Variants in GEN1 observed in about 807,000 individuals in gnomAD.
GEN1 encodes the protein GEN1 structure-specific endonuclease, also known as flap endonuclease GEN homolog 1.
GEN1 carries 64 observed loss-of-function variants against 67.6 expected under a neutral mutation model. That is an observed-to-expected ratio of 0.95 (90% CI 0.77 to 1.17). The LOEUF is 1.17. GEN1 is among the 50% of genes most tolerant of loss of function. The pLI is 0.00. For missense variants in GEN1, 1,058 were observed against 1,048.3 expected (o/e 1.01, Z -0.13); for synonymous variants, 371 against 359.4 (o/e 1.03, Z -0.37).
At position 17,771,351 on chromosome 2, in the gene GEN1, G is replaced by C. The variant is rs958403744; in HGVS notation, c.802+64G>C. 7.2e-6 allele frequency: 7 copies of C among 968,680 alleles called. No homozygotes were observed. In the African/African-American group the frequency reaches 1.1e-4, roughly 16 times the overall value. The allele number at this position is 968,680 out of a possible 1,614,324, so 60.0% of individuals were successfully genotyped here. A position where few individuals can be genotyped will look rare whatever the true frequency, so the allele number is the denominator to read the frequency against. On this transcript the variant is annotated intron_variant, in intron 7 of 13. Coordinates refer to ENST00000381254, the MANE Select transcript of GEN1 (RefSeq NM_001130009.3). ...CCATGTTTTAATTCTTGTTCACATA[G>C]TACTTTTTACATGCCAATATTAATA...
At position 17,782,526 on chromosome 2, in the gene GEN1, C is replaced by T. The variant is rs1383133697; in HGVS notation, c.*587C>T. 2 of 152,246 alleles carry T rather than the reference C, an allele frequency of 1.3e-5. No homozygotes were observed. Among genetic ancestry groups the T allele is most frequent in the East Asian group, 1.9e-4 (1 of 5,182 alleles). The allele number at this position is 152,246 out of a possible 1,614,324, so 9.4% of individuals were successfully genotyped here. On this transcript the variant is annotated 3_prime_UTR_variant, in exon 14 of 14. Coordinates refer to ENST00000381254, the MANE Select transcript of GEN1 (RefSeq NM_001130009.3). ...GCTCTTCCACTTTTGGTGTCTTAGT[C>T]TCTTTTGAGGGGCAAAAATAGAAAA...
chr2:17,771,416 A>T, intron 7 of GEN1, 129 bp downstream of exon 7: 1 of 631,818 alleles, frequency 1.6e-6, no homozygotes, highest in Non-Finnish European at 2.8e-6. Context: ...CCACTAGATT[A>T]GGAATTCCTT....
At chr2:17,756,170 A>G (rs1164786981) in intron 1 of GEN1, among the ~76,000 whole-genome samples, 1 of 152,226 alleles carries the variant, frequency 6.6e-6, no homozygotes, top group East Asian at 1.9e-4. Context: ...TCCCAAGGTC[A>G]TACACCTAAT....
intron 5 of GEN1, among the ~76,000 whole-genome samples, chr2:17,768,524 C>T (rs1672034200): frequency 6.6e-6 from 1 of 152,178 alleles, no homozygotes; most frequent in Non-Finnish European, 1.5e-5. Flanking sequence ...ACATAGATAA[C>T]AGTGTAATTG....
intron 3 of GEN1, among the ~76,000 whole-genome samples, chr2:17,764,251 T>A (rs1671819611): frequency 6.6e-6 from 1 of 152,076 alleles, no homozygotes. Context: ...GAAGGCAAGA[T>A]GAGAAAAAAA....
chr2:17,770,980 C>T (rs1485315198), intron 6 of GEN1: 1 of 601,280 alleles, frequency 1.7e-6, no homozygotes, highest in Non-Finnish European at 3.1e-6. Flanking sequence ...CATATACTCT[C>T]TCTCCTGTCT....
chr2:17,781,360 A>C lies in GEN1; in HGVS notation c.2148A>C (p.Thr716=), dbSNP rs1672824452. 1 of 1,613,852 alleles carries C rather than the reference A, an allele frequency of 6.2e-7. No homozygotes were observed. Among genetic ancestry groups the C allele is most frequent in the Non-Finnish European group, 8.5e-7 (1 of 1,179,918 alleles). Residue 716 remains threonine, a synonymous_variant, in exon 14 of 14, where the codon ACA becomes ACC. Coordinates refer to ENST00000381254, the MANE Select transcript of GEN1 (RefSeq NM_001130009.3). The stretch of plus-strand genomic sequence containing the variant: ...TTGCTAACAGTGGTTCTGATTGTAC[A>C]TCACATCTTTCAAAGGATCTTCCAG... ...SCIANSGSDC[T]SHLSKDLPGI... is the part of the protein sequence containing the mutation.
intron 3 of GEN1, among the ~76,000 whole-genome samples, chr2:17,762,263 G>A (rs1484062030): frequency 6.8e-6 from 1 of 146,406 alleles, no homozygotes; most frequent in Admixed American, 6.8e-5. Flanking sequence ...GTGCAGTGGC[G>A]CAATCTCGGC....
rs541037932 is a variant in GEN1 at position 17,785,888 on chromosome 2, C to T, written c.*3949C>T. On this transcript the variant is annotated 3_prime_UTR_variant, in exon 14 of 14. Coordinates refer to ENST00000381254, the MANE Select transcript of GEN1 (RefSeq NM_001130009.3). ...CACTCCAGGATGGGCGAAAAAGTGT[C>T]TAAAAAAAATTAAAATTTAAATTAA... 4 of 152,004 alleles carry T rather than the reference C, an allele frequency of 2.6e-5. No individual in the cohort carries two copies. The South Asian group carries it at 8.3e-4, about 32-fold the overall frequency. The allele number at this position is 152,004 out of a possible 1,614,324, so 9.4% of individuals were successfully genotyped here.
chr2:17,754,078 C>A (rs1671265252), upstream of GEN1: 1 of 152,308 alleles, frequency 6.6e-6, no homozygotes, highest in African/African-American at 2.4e-5. Flanking sequence ...GCCGAGCGGG[C>A]CCCATTGGGG....
In GEN1 at chr2:17,765,116, ACCTT is replaced by A. The variant is rs764301212; in HGVS notation, c.525+44_525+47del. On this transcript the variant is annotated intron_variant, in intron 4 of 13. Transcript: ENST00000381254. ...CTTTTTCAGCATTTGTTTACGAACT[ACCTT>A]TTTTAAAGGGCTGATTAAATGAAAT... 1.1e-4 allele frequency: 168 copies of A among 1,582,300 alleles called. 1 individual carries two copies. The highest frequency in any genetic ancestry group is 1.3e-4 in the East Asian group (6 of 44,594).
Position 17,780,892 on chromosome 2 carries a change from T to G in GEN1, c.1680T>G (p.Ser560Arg). The change falls in exon 14 of 14, where the codon AGT becomes AGG. Residue 560 changes from serine (S) to arginine (R), a missense_variant. Transcript: ENST00000381254. ...CTATACAGCAAATTAAAGCTGTCAG[T>G]AAGTCTCTAATTTCAGAATCTAGTC... is the stretch of plus-strand genomic sequence containing the variant. ...PLAIQQIKAV[S>R]KSLISESSQP... The G allele has an allele frequency of 1.2e-6, 2 of 1,613,846 alleles. No homozygotes were observed. The highest frequency in any genetic ancestry group is 1.7e-6 in the Non-Finnish European group (2 of 1,179,830).
Position 17,780,756 on chromosome 2 carries a change from C to A in GEN1, c.1544C>A (p.Pro515His). 1.2e-6 allele frequency: 2 copies of A among 1,613,936 alleles called. No individual in the cohort carries two copies. Among genetic ancestry groups the A allele is most frequent in the Non-Finnish European group, 1.7e-6 (2 of 1,179,920 alleles). Reference protein sequence around the residue: ...SKLNSGISPDPTLPQESISAS... With the variant: ...SKLNSGISPDHTLPQESISAS... Reference sequence around the variant, plus strand: ...TTAAATTCGGGGATTTCCCCTGATCCTACATTACCACAGGAATCTATTTCT... The same window carrying A: ...TTAAATTCGGGGATTTCCCCTGATCATACATTACCACAGGAATCTATTTCT... Residue 515 changes from proline to histidine, a missense_variant, in exon 14 of 14, where the codon CCT (proline) becomes CAT (histidine). By Grantham distance (77) the Pro-to-His change is moderately conservative. Coordinates refer to ENST00000381254, the MANE Select transcript of GEN1 (RefSeq NM_001130009.3).
chr2:17,758,847 C>T (rs62130894), intron 1 of GEN1, among the ~76,000 whole-genome samples: 7,500 of 149,992 alleles, frequency 0.05, 279 homozygotes, highest in Middle Eastern at 0.086. Context: ...GAGCGAGACC[C>T]TGTCTCAAAA....
chr2:17,776,942 T>C (rs989084047), intron 11 of GEN1, among the ~76,000 whole-genome samples: 9 of 152,072 alleles, frequency 5.9e-5, no homozygotes, highest in Non-Finnish European at 1.0e-4. Context: ...CTGGCCAACA[T>C]AGCGAAAACA....
intron 3 of GEN1, among the ~76,000 whole-genome samples, 154 bp from the exon 4 acceptor site, chr2:17,764,743 A>G (rs1671842453): frequency 6.6e-6 from 1 of 152,206 alleles, no homozygotes; most frequent in Non-Finnish European, 1.5e-5. Flanking sequence ...ATATTCAGTC[A>G]TTGTTCAAAT....
intron 6 of GEN1, among the ~76,000 whole-genome samples, chr2:17,770,897 GATATATATATACATACAT>G: frequency 6.6e-6 from 1 of 150,686 alleles, no homozygotes; most frequent in East Asian, 1.9e-4. Context: ...AGACTGATTG[GATATATATATACATACAT>G]ATATATATAT....
At chr2:17,761,976 C>T (rs1004465348) in intron 3 of GEN1, among the ~76,000 whole-genome samples, 2 of 152,024 alleles carry the variant, frequency 1.3e-5, no homozygotes, top group Non-Finnish European at 2.9e-5. Context: ...CTCATTAATT[C>T]GTACTTCACT....
At chr2:17,767,968 T>A (rs146793363) in intron 5 of GEN1, among the ~76,000 whole-genome samples, 198 of 152,266 alleles carry the variant, frequency 1.3e-3, no homozygotes, top group South Asian at 6.0e-3. Flanking sequence ...TGCCATAGAC[T>A]CTCTTTTTAG....
Sources: allele counts gnomAD v4.1 joint callset (sites outside exome capture counted in the v4.1 genomes callset), GRCh38; gene constraint gnomAD v4.1.1; transcripts MANE v1.5; gene names NCBI Gene and HGNC (gene_info 2026-07-23, HGNC 2026-07-21).